SDK2: variants seen among roughly 807,000 people sequenced by gnomAD.
SDK2 encodes sidekick cell adhesion molecule 2.
A neutral mutation model predicts 253.9 loss-of-function variants in SDK2; 105 were observed. The ratio of observed to expected loss-of-function variants is 0.41; its 90% CI spans 0.35 to 0.49. SDK2 has a LOEUF of 0.49. Ranked by LOEUF, SDK2 falls within the 20% of genes least tolerant of loss-of-function variation. The pLI, the probability that SDK2 is intolerant of heterozygous loss-of-function variation, is 0.06. For synonymous variants in SDK2, 1,249 were observed against 1,234.9 expected, an observed-to-expected ratio of 1.01 and a Z score of -0.24; for missense variants, 2,608 against 3,003.0, an observed-to-expected ratio of 0.87 and a Z score of 3.07.
Position 73,383,281 on chromosome 17 carries a change from G to A in SDK2, c.4705+595C>T, listed in dbSNP as rs953046787. Among the ~76,000 whole-genome samples, 1 of 152,196 alleles carries A rather than the reference G, an allele frequency of 6.6e-6. No homozygotes were observed. Among genetic ancestry groups the A allele is most frequent in the Non-Finnish European group, 1.5e-5 (1 of 68,044 alleles). On this transcript the variant is annotated intron_variant, in intron 33 of 44. Coordinates refer to ENST00000392650, the MANE Select transcript of SDK2 (RefSeq NM_001144952.2). This position sits in a 1 kb window ranked among gnomAD's most constrained non-coding sequence, Gnocchi z 4.3. ...AAAAGTCCAAACACGTCTTTCCCTT[G>A]CCGTGGTCTTCTGGGCATCGGCTCT...
At chr17:73,569,542 G>T (rs1022328609) in intron 1 of SDK2, among the ~76,000 whole-genome samples, 1 of 151,526 alleles carries the variant, frequency 6.6e-6, no homozygotes, top group Admixed American at 6.6e-5. Flanking sequence ...GCAGCACATT[G>T]GAATCACGTG....
chr17:73,362,942 G>A (rs1455334908), intron 38 of SDK2, among the ~76,000 whole-genome samples: 3 of 152,242 alleles, frequency 2.0e-5, no homozygotes, highest in African/African-American at 4.8e-5. Context: ...TGATGGCGCC[G>A]GCCCCGGCAT....
intron 1 of SDK2, among the ~76,000 whole-genome samples, chr17:73,514,191 G>A (rs1321242296): frequency 2.6e-5 from 4 of 152,170 alleles, no homozygotes; most frequent in Admixed American, 2.0e-4. Context: ...GGCATGTCAC[G>A]TGGCTCGGAG....
At chr17:73,519,356 C>G (rs948643677) in intron 1 of SDK2, 1 of 152,322 alleles carries the variant, frequency 6.6e-6, no homozygotes, top group African/African-American at 2.4e-5. Context: ...TGACTTAACA[C>G]CAGCATTGGT....
chr17:73,477,443 G>C (rs552327750), intron 2 of SDK2, among the ~76,000 whole-genome samples: 3 of 152,328 alleles, frequency 2.0e-5, no homozygotes, highest in Admixed American at 2.0e-4. Context: ...ACCTCAGGGG[G>C]ACTTACACTT....
intron 8 of SDK2, among the ~76,000 whole-genome samples, chr17:73,436,211 G>C (rs149869313): frequency 6.6e-6 from 1 of 152,124 alleles, no homozygotes; most frequent in Admixed American, 6.6e-5. Flanking sequence ...CCCCCATACC[G>C]GCTTTGCACA....
Position 73,442,247 on chromosome 17 carries a change from C to T in SDK2, c.614-1324G>A, listed in dbSNP as rs1897352434. Among the ~76,000 whole-genome samples the T allele has an allele frequency of 2.0e-5, 3 of 152,180 alleles. 1 individual carries two copies. In the South Asian group the frequency reaches 6.2e-4, roughly 31 times the overall value. On this transcript the variant is annotated intron_variant, in intron 5 of 44. Coordinates refer to ENST00000392650, the MANE Select transcript of SDK2 (RefSeq NM_001144952.2). ...AAGCTGACCATACTGGCTTCCCAAT[C>T]TGGGACTTCCAGCCTCCAGGATGGT... is the stretch of plus-strand genomic sequence containing the variant.
At chr17:73,591,288 G>A (rs1219532450) in intron 1 of SDK2, among the ~76,000 whole-genome samples, 1 of 152,120 alleles carries the variant, frequency 6.6e-6, no homozygotes, top group Non-Finnish European at 1.5e-5. Context: ...CTGGATGTAA[G>A]CCCCTAATAA....
intron 44 of SDK2, among the ~76,000 whole-genome samples, chr17:73,347,326 C>T (rs1258272177): frequency 4.6e-5 from 7 of 152,188 alleles, no homozygotes; most frequent in African/African-American, 1.7e-4. Flanking sequence ...CGCCACTGCA[C>T]TCCAGAGCAA....
In SDK2 at chr17:73,506,512, G is replaced by T. The variant is rs1166424102; in HGVS notation, c.224+926C>A. Among the ~76,000 whole-genome samples the T allele has an allele frequency of 2.0e-5, 3 of 152,202 alleles. No homozygotes were observed. The South Asian group carries it at 6.2e-4, about 31-fold the overall frequency. On this transcript the variant is annotated intron_variant, in intron 2 of 44. Transcript: ENST00000392650. ...CTCCGCACTCCCTAAAGGAAAGGCT[G>T]GTTCTCCAGAAGGACAGATCAAGCA...
At chr17:73,439,251 G>C (rs1161391689) in intron 6 of SDK2, among the ~76,000 whole-genome samples, 4 of 152,090 alleles carry the variant, frequency 2.6e-5, no homozygotes, top group African/African-American at 9.7e-5. Context: ...GCAGATGCTG[G>C]TGCCATGTTT....
chr17:73,563,095 C>T (rs1227584026), intron 1 of SDK2, among the ~76,000 whole-genome samples: 3 of 152,206 alleles, frequency 2.0e-5, no homozygotes, highest in South Asian at 2.1e-4. Context: ...CCATTGCTGG[C>T]GAGGAGGCTT....
Position 73,395,230 on chromosome 17 carries a change from C to T in SDK2, c.3517G>A (p.Val1173Ile), listed in dbSNP as rs752822717. The change falls in exon 25 of 45, where the codon GTC (valine) becomes ATC (isoleucine). Residue 1173 changes from valine to isoleucine, a missense_variant. Physicochemically the swap from Val to Ile is conservative, Grantham distance 29. This residue lies in a region of SDK2 where 1,505 missense variants were observed against 1,859.1 expected (regional missense o/e 0.81). Coordinates refer to ENST00000392650, the MANE Select transcript of SDK2 (RefSeq NM_001144952.2). The surrounding 1 kb of genome is among the most constrained non-coding windows in gnomAD (Gnocchi z 4.3). ...EDLEEWTEYR[V>I]QVQAFNAIGS... ...ATGGCGTTGAAGGCCTGGACCTGGA[C>T]GCGGTACTCTGTCCACTCCTCCAGG... The T allele has an allele frequency of 2.2e-5, 36 of 1,613,118 alleles. No homozygotes were observed. The highest frequency in any genetic ancestry group is 2.0e-4 in the East Asian group (9 of 44,872).
At position 73,644,102 on chromosome 17, in the gene SDK2, G is replaced by C. The variant is rs2046433033; in HGVS notation, c.-14C>G. On this transcript the variant is annotated 5_prime_UTR_variant, in exon 1 of 45. Coordinates refer to ENST00000392650, the MANE Select transcript of SDK2 (RefSeq NM_001144952.2). The surrounding 1 kb of genome is among the most constrained non-coding windows in gnomAD (Gnocchi z 6.3). ...AAGCCCCCACATGGTGACCAGCCTG[G>C]AGAGGGGTCCTCGGGGTCTCCCTTC... 6.5e-7 allele frequency: 1 copy of C among 1,550,156 alleles called. No individual in the cohort carries two copies. The highest frequency in any genetic ancestry group is 8.7e-7 in the Non-Finnish European group (1 of 1,145,872).
rs1235895197 is a variant in SDK2, at chr17:73,361,197, A to T, written c.5467+487T>A. On this transcript the variant is annotated intron_variant, in intron 39 of 44. Coordinates refer to ENST00000392650, the MANE Select transcript of SDK2 (RefSeq NM_001144952.2). This position sits in a 1 kb window ranked among gnomAD's most constrained non-coding sequence, Gnocchi z 4.1. ...CCAGGTCCCACCTCAGCCCCAGGAA[A>T]TCAACCCCTCGGAGCATCCACCCTG... 6.6e-6 allele frequency among the ~76,000 whole-genome samples: 1 copy of T among 152,062 alleles called. No individual in the cohort carries two copies. Among genetic ancestry groups the T allele is most frequent in the East Asian group, 1.9e-4 (1 of 5,160 alleles).
chr17:73,574,284 AG>A (rs2045427422), intron 1 of SDK2, among the ~76,000 whole-genome samples: 1 of 152,242 alleles, frequency 6.6e-6, no homozygotes, highest in South Asian at 2.1e-4. Flanking sequence ...ATTTAGGGGT[AG>A]GTGACACAAG....
At position 73,346,322 on chromosome 17, in the gene SDK2, G is replaced by A. The variant is rs564233833; in HGVS notation, c.6165+2277C>T. 2.0e-5 allele frequency among the ~76,000 whole-genome samples: 3 copies of A among 152,252 alleles called. No homozygotes were observed. The South Asian group carries it at 6.2e-4, about 32-fold the overall frequency. On this transcript the variant is annotated intron_variant, in intron 44 of 44. Transcript: ENST00000392650. ...GAAGAGGCTGTCCATGATACTGCAAGAACTGAAGATCAAGATTAGATGGTG... is the reference window on the plus strand; with the variant it reads ...GAAGAGGCTGTCCATGATACTGCAAAAACTGAAGATCAAGATTAGATGGTG...
chr17:73,441,426 G>T (rs1295981414), intron 5 of SDK2, among the ~76,000 whole-genome samples: 2 of 152,170 alleles, frequency 1.3e-5, no homozygotes, highest in Non-Finnish European at 1.5e-5. Context: ...ATCATTACAG[G>T]TTTGTAATTA....
At chr17:73,402,200 C>CTGTGGGAGAGGGCTTGG in intron 18 of SDK2, 59 bp from the exon 19 acceptor site, 1 of 1,548,416 alleles carries the variant, frequency 6.5e-7, no homozygotes, top group Non-Finnish European at 8.8e-7. Flanking sequence ...GAGGCCAAGC[C>CTGTGGGAGAGGGCTTGG]CTCTCCCACA....
Sources: gnomAD v4.1 joint callset for allele counts (sites outside exome capture counted in the v4.1 genomes callset) on GRCh38, gnomAD v4.1.1 for gene constraint, gnomAD v4.1.1 regional missense constraint, Gnocchi (gnomAD v3.1) non-coding constraint, MANE v1.5 for transcripts, NCBI Gene and HGNC (gene_info 2026-07-23, HGNC 2026-07-21) for gene names.